Variants in STRN3 observed in about 807,000 individuals in gnomAD.
The protein encoded by STRN3 is striatin 3.
A neutral mutation model predicts 95.6 loss-of-function variants in STRN3; 29 were observed. That is an observed-to-expected ratio of 0.30 (90% CI 0.23 to 0.41). The LOEUF is 0.41. Ranked by LOEUF, STRN3 falls within the 10% of genes least tolerant of loss-of-function variation. The probability of loss-of-function intolerance (pLI) is 1.00; values close to 1 mark genes in which losing one functional copy is unlikely to be tolerated. For synonymous variants in STRN3, 331 were observed against 357.6 expected (o/e 0.93, Z 0.84); for missense variants, 890 against 972.1 (o/e 0.92, Z 1.12).
chr14:30,894,050 C>T lies in STRN3; in HGVS notation c.*1361G>A, dbSNP rs1318129784. On this transcript the variant is annotated 3_prime_UTR_variant, in exon 18 of 18. Transcript: ENST00000357479. The stretch of plus-strand genomic sequence containing the variant: ...TCGCAAACTGATCAGAAAAGTTTCT[C>T]GGAAGACTAGAAAAAATACTTTATT... 2.0e-5 allele frequency: 3 copies of T among 152,376 alleles called. No individual in the cohort carries two copies. Among genetic ancestry groups the T allele is most frequent in the Non-Finnish European group, 4.4e-5 (3 of 67,968 alleles). 9.4% of individuals were successfully genotyped at this position (152,376 alleles called of 1,614,324 possible). A position where few individuals can be genotyped will look rare whatever the true frequency, so the allele number is the denominator to read the frequency against.
At chr14:31,002,053 C>A (rs1284612018) in intron 1 of STRN3, among the ~76,000 whole-genome samples, 1 of 151,494 alleles carries the variant, frequency 6.6e-6, no homozygotes, top group Non-Finnish European at 1.5e-5. Flanking sequence ...GTAATCCTAG[C>A]TACTCGGGAG....
chr14:31,003,443 A>C (rs1461860598), intron 1 of STRN3, among the ~76,000 whole-genome samples: 1 of 151,882 alleles, frequency 6.6e-6, no homozygotes, highest in Non-Finnish European at 1.5e-5. Flanking sequence ...TTGATTTCCA[A>C]TGCTGGAGGT....
intron 8 of STRN3, among the ~76,000 whole-genome samples, chr14:30,921,106 AC>A (rs1896873468): frequency 6.6e-6 from 1 of 150,680 alleles, no homozygotes. Flanking sequence ...ACACACACAC[AC>A]TTCCTTATCT....
intron 16 of STRN3, among the ~76,000 whole-genome samples, chr14:30,900,150 G>A (rs547920514): frequency 6.6e-6 from 1 of 152,116 alleles, no homozygotes; most frequent in East Asian, 1.9e-4. Context: ...CTGAGGTCAG[G>A]AGTTCAAGAC....
At chr14:30,926,647 C>T (rs1566439573) in intron 8 of STRN3, among the ~76,000 whole-genome samples, 1 of 151,644 alleles carries the variant, frequency 6.6e-6, no homozygotes, top group African/African-American at 2.4e-5. Flanking sequence ...TATAATACTT[C>T]TTATATTATC....
At chr14:30,915,201 AAC>A (rs1274667183) in intron 9 of STRN3, among the ~76,000 whole-genome samples, 2 of 152,216 alleles carry the variant, frequency 1.3e-5, no homozygotes, top group African/African-American at 2.4e-5. Flanking sequence ...TGCTACAGGA[AAC>A]ACAACAGGTG....
In STRN3 at chr14:30,960,304, C is replaced by G. The variant is rs563072030; in HGVS notation, c.283-4062G>C. 1.1e-4 allele frequency among the ~76,000 whole-genome samples: 17 copies of G among 152,292 alleles called. No individual in the cohort carries two copies. The East Asian group carries it at 3.3e-3, about 29-fold the overall frequency. ...TTCAGTGAGCTATCAGGCCACTGCA[C>G]TCCAACCCGGGCAACAGAGTTTCAA... On this transcript the variant is annotated intron_variant, in intron 1 of 17. Coordinates refer to ENST00000357479, the MANE Select transcript of STRN3 (RefSeq NM_001083893.2).
At chr14:30,901,458 T>C (rs951216395) in intron 16 of STRN3, among the ~76,000 whole-genome samples, 2 of 152,190 alleles carry the variant, frequency 1.3e-5, no homozygotes, top group Admixed American at 6.5e-5. Context: ...CTAAAACATA[T>C]TGCCATTTTC....
At chr14:30,943,281 C>T (rs1264881204) in intron 5 of STRN3, among the ~76,000 whole-genome samples, 3 of 152,090 alleles carry the variant, frequency 2.0e-5, no homozygotes, top group African/African-American at 7.2e-5. Flanking sequence ...AAGAAAGCCT[C>T]GATTAAAACA....
rs182604931 is a variant in STRN3, at chr14:30,985,331, C to T, written c.283-29089G>A. On this transcript the variant is annotated intron_variant, in intron 1 of 17. Transcript: ENST00000357479. ...CAAAAAAAAAAAAATAGGCCAGGCG[C>T]GGTGGCTCACACCTGTAATCCCAGC... Among the ~76,000 whole-genome samples the T allele has an allele frequency of 2.8e-3, 421 of 148,210 alleles. 1 individual carries two copies. Among genetic ancestry groups the T allele is most frequent in the African/African-American group, 9.8e-3 (394 of 40,100 alleles).
At chr14:30,960,868 C>CAAAAA (rs56227331) in intron 1 of STRN3, among the ~76,000 whole-genome samples, 13 of 47,524 alleles carry the variant, frequency 2.7e-4, no homozygotes, top group Non-Finnish European at 3.7e-4. Flanking sequence ...GACTCCATCT[C>CAAAAA]AAAAAAAAAA....
intron 1 of STRN3, among the ~76,000 whole-genome samples, chr14:31,010,306 T>C (rs891148265): frequency 6.6e-6 from 1 of 151,616 alleles, no homozygotes; most frequent in Admixed American, 6.6e-5. Flanking sequence ...TGTATACATG[T>C]GCCATGCTGG....
Position 31,026,206 on chromosome 14 carries a change from G to C in STRN3, c.-21C>G. 7.2e-7 allele frequency: 1 copy of C among 1,394,824 alleles called. No homozygotes were observed. Among genetic ancestry groups the C allele is most frequent in the South Asian group, 1.6e-5 (1 of 63,272 alleles). The allele number at this position is 1,394,824 out of a possible 1,614,324, so 86.4% of individuals were successfully genotyped here. A position where few individuals can be genotyped will look rare whatever the true frequency, so the allele number is the denominator to read the frequency against. On this transcript the variant is annotated 5_prime_UTR_variant, in exon 1 of 18. Coordinates refer to ENST00000357479, the MANE Select transcript of STRN3 (RefSeq NM_001083893.2). ...TCCATTGTGTGTGGGGCCCCGGCCG[G>C]GGCGCAGGGCGAGACGCCGACAGCT... is the stretch of plus-strand genomic sequence containing the variant.
rs1436165951 is a variant in STRN3 at position 30,911,758 on chromosome 14, C to A, written c.1598+19G>T. ...CAATAATGATGATGTTAATTAAATA[C>A]CAATTCAGTAAAACTTACATGTGGG... On this transcript the variant is annotated intron_variant, in intron 12 of 17. Coordinates refer to ENST00000357479, the MANE Select transcript of STRN3 (RefSeq NM_001083893.2). 1 of 1,591,514 alleles carries A rather than the reference C, an allele frequency of 6.3e-7. No individual in the cohort carries two copies. Among genetic ancestry groups the A allele is most frequent in the Non-Finnish European group, 8.6e-7 (1 of 1,167,924 alleles).
At chr14:31,010,987 CA>C (rs1478677221) in intron 1 of STRN3, among the ~76,000 whole-genome samples, 2 of 152,156 alleles carry the variant, frequency 1.3e-5, no homozygotes, top group African/African-American at 4.8e-5. Flanking sequence ...TGCAGTGAGC[CA>C]AAATTGCGCC....
intron 5 of STRN3, among the ~76,000 whole-genome samples, chr14:30,939,974 A>G (rs1350753925): frequency 6.6e-6 from 1 of 151,988 alleles, no homozygotes; most frequent in East Asian, 1.9e-4. Context: ...TCACATTACA[A>G]TGACTCTACT....
In STRN3 at chr14:30,956,135, A is replaced by G. The variant is rs756632089; in HGVS notation, c.386+4T>C. ...ATTCATGTAACAAAATGAGGCACAC[A>G]TACCTTTCTTGTTTTAATGCATACT... On this transcript the variant is annotated splice_donor_region_variant and intron_variant, in intron 2 of 17. Coordinates refer to ENST00000357479, the MANE Select transcript of STRN3 (RefSeq NM_001083893.2). 1 of 1,609,622 alleles carries G rather than the reference A, an allele frequency of 6.2e-7. No individual in the cohort carries two copies. Among genetic ancestry groups the G allele is most frequent in the Non-Finnish European group, 8.5e-7 (1 of 1,176,214 alleles).
At chr14:30,977,218 C>T (rs572816369) in intron 1 of STRN3, among the ~76,000 whole-genome samples, 1 of 152,040 alleles carries the variant, frequency 6.6e-6, no homozygotes, top group South Asian at 2.1e-4. Flanking sequence ...AAGAGCGAAA[C>T]TCTGTTTCAA....
intron 1 of STRN3, among the ~76,000 whole-genome samples, chr14:30,990,693 C>T (rs1674249316): frequency 6.6e-6 from 1 of 152,108 alleles, no homozygotes. Context: ...TCCTAGGATA[C>T]CAAAACGCAG....
Sources: allele counts gnomAD v4.1 joint callset (sites outside exome capture counted in the v4.1 genomes callset), GRCh38; gene constraint gnomAD v4.1.1; transcripts MANE v1.5; gene names NCBI Gene and HGNC (gene_info 2026-07-23, HGNC 2026-07-21).